Variants in NIF3L1 observed in about 807,000 individuals in gnomAD.
NIF3L1 encodes NIF3-like protein 1.
In NIF3L1, 26 loss-of-function variants were observed where a neutral mutation model predicts 35.0. The observed-to-expected ratio is 0.74, with a 90% CI of 0.54 to 1.03. The LOEUF is 1.03. Ranked by LOEUF, NIF3L1 falls within the 50% of genes least tolerant of loss-of-function variation. The pLI, the probability that NIF3L1 is intolerant of heterozygous loss-of-function variation, is 0.00. For missense variants in NIF3L1, 449 were observed against 466.3 expected (o/e 0.96, Z 0.34); for synonymous variants, 157 against 178.9 (o/e 0.88, Z 0.98).
Position 200,895,368 on chromosome 2 carries a change from C to T in NIF3L1, c.704C>T (p.Thr235Met), listed in dbSNP as rs747522600. 9.0e-5 allele frequency: 146 copies of T among 1,613,738 alleles called. No individual in the cohort carries two copies. Among genetic ancestry groups the T allele is most frequent in the Middle Eastern group, 1.6e-4 (1 of 6,082 alleles). The change falls in exon 4 of 7, where the codon ACG becomes ATG. Residue 235 changes from threonine (T) to methionine (M), a missense_variant. Physicochemically the swap from Thr to Met is moderately conservative, Grantham distance 81. Transcript: ENST00000409020. ...LSRNKQLYQK[T>M]EILSLEKPLL... ...CGGAACAAACAACTTTATCAGAAGA[C>T]GGAAATTCTGTCACTGGAGAAGGTA...
chr2:200,890,937 T>C (rs2040172874), intron 1 of NIF3L1, among the ~76,000 whole-genome samples: 1 of 151,764 alleles, frequency 6.6e-6, no homozygotes, highest in Admixed American at 6.6e-5. Context: ...GATAAAGCAC[T>C]TGACATTTTA....
chr2:200,894,402 A>AT (rs1202072210), intron 3 of NIF3L1, among the ~76,000 whole-genome samples: 3 of 151,430 alleles, frequency 2.0e-5, no homozygotes, highest in South Asian at 2.1e-4. Flanking sequence ...GCTAGAAGGA[A>AT]TTTTTTTTAT....
In NIF3L1 at chr2:200,902,531, G is replaced by A. The variant is rs919688493; in HGVS notation, c.950-963G>A. On this transcript the variant is annotated intron_variant, in intron 6 of 6. Transcript: ENST00000409020. ...TGCAGTGAGCTGAGATCGTGCTACT[G>A]TACTCCAGCCTGGGTGACAGAGCAA... is the stretch of plus-strand genomic sequence containing the variant. 3.9e-5 allele frequency among the ~76,000 whole-genome samples: 6 copies of A among 152,018 alleles called. No homozygotes were observed. The South Asian group carries it at 8.3e-4, about 21-fold the overall frequency.
In NIF3L1 at chr2:200,897,126, T is replaced by C; in HGVS notation, c.777T>C (p.Ser259=). 4 of 1,614,052 alleles carry C rather than the reference T, an allele frequency of 2.5e-6. No individual in the cohort carries two copies. The highest frequency in any genetic ancestry group is 3.4e-6 in the Non-Finnish European group (4 of 1,179,916). ...GMGRLCTLDE[S]VSLATMIDRI... ...GACGGTTATGCACACTGGATGAATC[T>C]GTCTCCCTGGCAACCATGATTGATC... is the stretch of plus-strand genomic sequence containing the variant. Residue 259 remains serine, a synonymous_variant, in exon 5 of 7, where the codon TCT becomes TCC. Coordinates refer to ENST00000409020, the MANE Select transcript of NIF3L1 (RefSeq NM_001369441.2).
chr2:200,890,552 T>C (rs2040159401), intron 1 of NIF3L1: 1 of 152,230 alleles, frequency 6.6e-6, no homozygotes, highest in African/African-American at 2.4e-5. Context: ...GTGCATACTA[T>C]GAAATGTTTT....
chr2:200,892,462 C>A (rs1158521668), intron 2 of NIF3L1, 83 bp downstream of exon 2: 4 of 1,090,826 alleles, frequency 3.7e-6, no homozygotes, highest in Admixed American at 3.0e-5. Context: ...GTTTTAACTG[C>A]TTTAGGGTTG....
chr2:200,893,455 A>T, intron 3 of NIF3L1, 47 bp downstream of exon 3: 1 of 1,577,024 alleles, frequency 6.3e-7, no homozygotes, highest in East Asian at 2.2e-5. Flanking sequence ...ATTGGTAAGC[A>T]TCTTCCTTAC....
chr2:200,891,751 T>G (rs2040195882), intron 1 of NIF3L1, 167 bp from the exon 2 acceptor site: 3 of 592,982 alleles, frequency 5.1e-6, no homozygotes, highest in Non-Finnish European at 9.0e-6. Context: ...AAAACAAGAT[T>G]GGAGAGGTTA....
chr2:200,891,915 C>T lies in NIF3L1; in HGVS notation c.-26-3C>T, dbSNP rs993114321. On this transcript the variant is annotated splice_region_variant and splice_polypyrimidine_tract_variant and intron_variant, in intron 1 of 6. Transcript: ENST00000409020. The stretch of plus-strand genomic sequence containing the variant: ...TGTACCATTTTCTTTGTTTTGACAT[C>T]AGAAACTTGAACTTTACCTGATTTC... 1 of 1,529,318 alleles carries T rather than the reference C, an allele frequency of 6.5e-7. No individual in the cohort carries two copies. Among genetic ancestry groups the T allele is most frequent in the Non-Finnish European group, 8.9e-7 (1 of 1,128,858 alleles). 94.7% of individuals were successfully genotyped at this position (1,529,318 alleles called of 1,614,324 possible). A position where few individuals can be genotyped will look rare whatever the true frequency, so the allele number is the denominator to read the frequency against.
chr2:200,898,399 C>CA (rs2040352880), intron 5 of NIF3L1, among the ~76,000 whole-genome samples: 1 of 152,136 alleles, frequency 6.6e-6, no homozygotes, highest in Non-Finnish European at 1.5e-5. Flanking sequence ...TCGTGAGACT[C>CA]ACGCATTATC....
At chr2:200,890,145 C>T (rs1411964497) in intron 1 of NIF3L1, among the ~76,000 whole-genome samples, 1 of 152,032 alleles carries the variant, frequency 6.6e-6, no homozygotes, top group African/African-American at 2.4e-5. Context: ...ATCACTTGAG[C>T]GCAGGAGTTT....
chr2:200,890,836 T>G (rs2040169103), intron 1 of NIF3L1, among the ~76,000 whole-genome samples: 1 of 152,200 alleles, frequency 6.6e-6, no homozygotes, highest in Admixed American at 6.6e-5. Context: ...TAGCAAATGT[T>G]GCTTAAGGGG....
At position 200,903,599 on chromosome 2, in the gene NIF3L1, A is replaced by G; in HGVS notation, c.1055A>G (p.Asp352Gly). 2 of 1,613,992 alleles carry G rather than the reference A, an allele frequency of 1.2e-6. No individual in the cohort carries two copies. The highest frequency in any genetic ancestry group is 1.7e-4 in the Middle Eastern group (1 of 6,060). Residue 352 changes from aspartate (D) to glycine (G), a missense_variant, in exon 7 of 7, where the codon GAT becomes GGT. Transcript: ENST00000409020. ...TERGFLSDLR[D>G]MLDSHLENKI... ...CGAGGCTTTCTTTCTGACCTTCGAG[A>G]TATGCTGGATTCTCACTTGGAGAAT...
chr2:200,891,982 C>A lies in NIF3L1; in HGVS notation c.39C>A (p.Val13=). The A allele has an allele frequency of 6.2e-7, 1 of 1,613,892 alleles. No homozygotes were observed. The change falls in exon 2 of 7, where the codon GTC becomes GTA. Residue 13 remains valine, a synonymous_variant. Coordinates refer to ENST00000409020, the MANE Select transcript of NIF3L1 (RefSeq NM_001369441.2). ...GCGTACGCCCAGTCCCCACGACAGTCCGGTTTGTAGATTCCCTGATCTGCA... is the reference window on the plus strand; with the variant it reads ...GCGTACGCCCAGTCCCCACGACAGTACGGTTTGTAGATTCCCTGATCTGCA... ...SSCVRPVPTT[V]RFVDSLICNS...
rs538626798 is a variant in NIF3L1, at chr2:200,889,378, A to C, written c.-301A>C. 6.8e-6 allele frequency: 2 copies of C among 292,764 alleles called. No individual in the cohort carries two copies. The highest frequency in any genetic ancestry group is 1.4e-5 in the Non-Finnish European group (2 of 146,726). 18.1% of individuals were successfully genotyped at this position (292,764 alleles called of 1,614,324 possible). On this transcript the variant is annotated 5_prime_UTR_variant, in exon 1 of 7. Transcript: ENST00000409020. The stretch of plus-strand genomic sequence containing the variant: ...CGCGGGACCGGAAGTGACGCAGAGA[A>C]GTTTCCGGGACTGGTGAGTAGTGGG...
rs538213248 is a variant in NIF3L1 at position 200,897,651 on chromosome 2, T to C, written c.865+437T>C. Among the ~76,000 whole-genome samples, 6 of 152,306 alleles carry C rather than the reference T, an allele frequency of 3.9e-5. No homozygotes were observed. The South Asian group carries it at 1.2e-3, about 32-fold the overall frequency. On this transcript the variant is annotated intron_variant, in intron 5 of 6. Coordinates refer to ENST00000409020, the MANE Select transcript of NIF3L1 (RefSeq NM_001369441.2). ...TCAGGAAGAGAGCTGGAATCATGAT[T>C]GCTACAATTACAACATAAACTTTGC...
Position 200,903,511 on chromosome 2 carries a change from G to A in NIF3L1, c.967G>A (p.Asp323Asn), listed in dbSNP as rs569758765. The change falls in exon 7 of 7, where the codon GAT becomes AAT. Residue 323 changes from aspartate (D) to asparagine (N), a missense_variant. Physicochemically the swap from Asp to Asn is conservative, Grantham distance 23. Coordinates refer to ENST00000409020, the MANE Select transcript of NIF3L1 (RefSeq NM_001369441.2). Reference sequence around the variant, plus strand: ...TTTGGTAGGTGAGATGTCCCATCATGATACTTTGGATGCTGCTTCCCAAGG... The same window carrying A: ...TTTGGTAGGTGAGATGTCCCATCATAATACTTTGGATGCTGCTTCCCAAGG... ...LYLTGEMSHH[D>N]TLDAASQGIN... 5.0e-6 allele frequency: 8 copies of A among 1,613,696 alleles called. No individual in the cohort carries two copies. The African/African-American group carries it at 9.3e-5, about 19-fold the overall frequency.
chr2:200,897,004 T>C, intron 4 of NIF3L1, 72 bp from the exon 5 acceptor site: 2 of 1,430,606 alleles, frequency 1.4e-6, no homozygotes, highest in South Asian at 1.2e-5. Flanking sequence ...ACAGTGTGCA[T>C]GTTGATGATT....
intron 3 of NIF3L1, among the ~76,000 whole-genome samples, chr2:200,893,706 C>T (rs2040246512): frequency 1.3e-5 from 2 of 152,162 alleles, no homozygotes; most frequent in Non-Finnish European, 2.9e-5. Context: ...TTAGAGAATA[C>T]AGATAGATCC....
Sources: allele counts gnomAD v4.1 joint callset (sites outside exome capture counted in the v4.1 genomes callset), GRCh38; gene constraint gnomAD v4.1.1; transcripts MANE v1.5; gene names NCBI Gene and HGNC (gene_info 2026-07-23, HGNC 2026-07-21).